Variants in ITGBL1 observed in about 807,000 individuals in gnomAD.
ITGBL1 encodes integrin subunit beta like 1.
ITGBL1 carries 51 observed loss-of-function variants against 68.5 expected under a neutral mutation model. The observed-to-expected ratio is 0.74, with a 90% CI of 0.59 to 0.94. The LOEUF (loss-of-function observed/expected upper bound fraction) is 0.94, where lower values mean the gene tolerates loss of function less well. Among genes scored for constraint, ITGBL1 ranks in the 40% least tolerant of loss-of-function variants. The pLI is 0.00. For synonymous variants in ITGBL1, 209 were observed against 227.3 expected, an observed-to-expected ratio of 0.92 and a Z score of 0.72; for missense variants, 649 against 647.4, an observed-to-expected ratio of 1.00 and a Z score of -0.03.
intron 2 of ITGBL1, among the ~76,000 whole-genome samples, chr13:101,485,491 C>T (rs539183416): frequency 3.1e-4 from 47 of 152,150 alleles, no homozygotes; most frequent in Non-Finnish European, 5.7e-4. Flanking sequence ...CAGTGAGATA[C>T]TACCTTACTC....
chr13:101,581,176 AT>A (rs375590224), intron 5 of ITGBL1, among the ~76,000 whole-genome samples: 31 of 152,182 alleles, frequency 2.0e-4, no homozygotes, highest in African/African-American at 7.5e-4. Context: ...ATAAGCATTA[AT>A]AGAACAAATG....
At chr13:101,517,546 G>A (rs1211048211) in intron 2 of ITGBL1, among the ~76,000 whole-genome samples, 2 of 152,106 alleles carry the variant, frequency 1.3e-5, no homozygotes, top group African/African-American at 4.8e-5. Flanking sequence ...TACACTATGG[G>A]TTGAGAAGCA....
chr13:101,503,688 T>G (rs2139091367), intron 2 of ITGBL1, among the ~76,000 whole-genome samples: 1 of 152,330 alleles, frequency 6.6e-6, no homozygotes, highest in Non-Finnish European at 1.5e-5. Context: ...GTTTTCTTTG[T>G]GTGGAGGGGT....
At chr13:101,499,472 A>G (rs140366568) in intron 2 of ITGBL1, among the ~76,000 whole-genome samples, 237 of 152,304 alleles carry the variant, frequency 1.6e-3, no homozygotes, top group Admixed American at 3.5e-3. Flanking sequence ...ATGGTTTTAT[A>G]TGGAGAAAGA....
chr13:101,465,391 T>G (rs760729618), intron 2 of ITGBL1, among the ~76,000 whole-genome samples: 2 of 152,192 alleles, frequency 1.3e-5, no homozygotes, highest in African/African-American at 4.8e-5. Flanking sequence ...TATAAAACTA[T>G]GATAAATTTT....
chr13:101,587,501 C>T (rs910868876), intron 6 of ITGBL1, among the ~76,000 whole-genome samples: 3 of 152,298 alleles, frequency 2.0e-5, no homozygotes, highest in South Asian at 4.1e-4. Context: ...CTGTTTGTTA[C>T]ACCCAATTTA....
intron 2 of ITGBL1, among the ~76,000 whole-genome samples, chr13:101,531,148 G>A (rs2049467852): frequency 6.6e-6 from 1 of 151,992 alleles, no homozygotes; most frequent in African/African-American, 2.4e-5. Flanking sequence ...ATATTTAGTT[G>A]TAACTGTTGA....
chr13:101,607,078 C>G (rs1234849744), intron 7 of ITGBL1, among the ~76,000 whole-genome samples: 2 of 151,624 alleles, frequency 1.3e-5, no homozygotes, highest in Non-Finnish European at 1.5e-5. Flanking sequence ...AAAAACCATG[C>G]ATATATTTTA....
intron 2 of ITGBL1, among the ~76,000 whole-genome samples, chr13:101,561,062 G>A (rs1248079367): frequency 6.6e-6 from 1 of 152,176 alleles, no homozygotes; most frequent in East Asian, 1.9e-4. Flanking sequence ...GAGATAGATA[G>A]GCAGATGAAG....
chr13:101,690,090 C>G (rs1275987293), intron 7 of ITGBL1, among the ~76,000 whole-genome samples: 1 of 152,054 alleles, frequency 6.6e-6, no homozygotes, highest in Non-Finnish European at 1.5e-5. Flanking sequence ...TTTTAAAACT[C>G]CAATAGATAC....
chr13:101,670,885 A>G (rs2139501801), intron 7 of ITGBL1, among the ~76,000 whole-genome samples: 1 of 152,356 alleles, frequency 6.6e-6, no homozygotes, highest in East Asian at 1.9e-4. Context: ...TCCAAAGATT[A>G]TGTAAAATTT....
At chr13:101,475,256 AAAG>A (rs150112283) in intron 2 of ITGBL1, among the ~76,000 whole-genome samples, 157 of 152,334 alleles carry the variant, frequency 1.0e-3, no homozygotes, top group African/African-American at 3.6e-3. Context: ...ATAATTAAAA[AAAG>A]CAGAAATTCT....
At chr13:101,551,699 C>T (rs1009231109) in intron 2 of ITGBL1, among the ~76,000 whole-genome samples, 1 of 152,178 alleles carries the variant, frequency 6.6e-6, no homozygotes, top group East Asian at 1.9e-4. Flanking sequence ...TGCCATTTTG[C>T]AAGTCAAAGT....
At chr13:101,536,521 G>A (rs2049579629) in intron 2 of ITGBL1, among the ~76,000 whole-genome samples, 1 of 151,958 alleles carries the variant, frequency 6.6e-6, no homozygotes, top group Non-Finnish European at 1.5e-5. Flanking sequence ...AGAAGACCAT[G>A]GATATTAAGA....
At chr13:101,518,384 T>A (rs1343471159) in intron 2 of ITGBL1, among the ~76,000 whole-genome samples, 2 of 152,312 alleles carry the variant, frequency 1.3e-5, no homozygotes, top group Admixed American at 1.3e-4. Flanking sequence ...GCTGGATAAA[T>A]CTAATTCATC....
At chr13:101,623,701 C>T (rs1229517423) in intron 7 of ITGBL1, among the ~76,000 whole-genome samples, 2 of 152,136 alleles carry the variant, frequency 1.3e-5, no homozygotes, top group African/African-American at 2.4e-5. Context: ...ACTTAACCTT[C>T]GCAGAGCACA....
At position 101,589,301 on chromosome 13, in the gene ITGBL1, G is replaced by A. The variant is rs78351090; in HGVS notation, c.868+5945G>A. The stretch of plus-strand genomic sequence containing the variant: ...TCTATGATATACAGTAAGATATCTT[G>A]TTTAGAAAATTCTACTTTCCCCAAA... On this transcript the variant is annotated intron_variant, in intron 6 of 10. Transcript: ENST00000376180. Among the ~76,000 whole-genome samples, 1,374 of 152,194 alleles carry A rather than the reference G, an allele frequency of 9.0e-3. 20 individuals carry two copies. Among genetic ancestry groups the A allele is most frequent in the African/African-American group, 0.031 (1,298 of 41,538 alleles).
chr13:101,639,078 C>A (rs2032276814), intron 7 of ITGBL1, among the ~76,000 whole-genome samples: 1 of 152,118 alleles, frequency 6.6e-6, no homozygotes, highest in Admixed American at 6.6e-5. Context: ...CTCAGAAACG[C>A]CCCAGTCCTG....
chr13:101,668,262 C>T (rs1328275532), intron 7 of ITGBL1, among the ~76,000 whole-genome samples: 3 of 152,042 alleles, frequency 2.0e-5, no homozygotes, highest in Admixed American at 1.3e-4. Flanking sequence ...GTGGTGGCCT[C>T]CTATAATCCC....
Sources: gnomAD v4.1 joint callset for allele counts (sites outside exome capture counted in the v4.1 genomes callset) on GRCh38, gnomAD v4.1.1 for gene constraint, MANE v1.5 for transcripts, NCBI Gene and HGNC (gene_info 2026-07-23, HGNC 2026-07-21) for gene names.